The following STXBP5L variants were observed in gnomAD, a reference collection of about 807,000 sequenced individuals.
STXBP5L encodes syntaxin binding protein 5L, also known as syntaxin-binding protein 5-like.
In STXBP5L, 65 loss-of-function variants were observed where a neutral mutation model predicts 144.5. That is an observed-to-expected ratio of 0.45 (90% CI 0.37 to 0.55). STXBP5L has a LOEUF of 0.55. Among genes scored for constraint, STXBP5L ranks in the 20% least tolerant of loss-of-function variants. The pLI is 0.00. For synonymous variants in STXBP5L, 505 were observed against 469.6 expected (o/e 1.08, Z -0.97); for missense variants, 1,298 against 1,405.5 (o/e 0.92, Z 1.22).
rs75685963 is a variant in STXBP5L at position 120,996,370 on chromosome 3, A to G, written c.287+41333A>G. On this transcript the variant is annotated intron_variant, in intron 3 of 26. Transcript: ENST00000471454. ...TTAATATAATGTATATTTAAGGTAT[A>G]CAATGTCATATATATTTTTTGAACT... 2.8e-3 allele frequency among the ~76,000 whole-genome samples: 422 copies of G among 152,164 alleles called. 5 individuals carry two copies. Among genetic ancestry groups the G allele is most frequent in the African/African-American group, 9.7e-3 (405 of 41,562 alleles).
chr3:121,325,495 T>C (rs1577462855), intron 20 of STXBP5L, among the ~76,000 whole-genome samples: 2 of 151,916 alleles, frequency 1.3e-5, no homozygotes, highest in South Asian at 4.1e-4. Flanking sequence ...CAAAAAATAA[T>C]CACAATTAAA....
intron 22 of STXBP5L, 65 bp from the exon 23 acceptor site, chr3:121,407,177 CT>C (rs1198760736): frequency 6.6e-7 from 1 of 1,505,582 alleles, no homozygotes; most frequent in Non-Finnish European, 8.9e-7. Context: ...CAATGTAAAA[CT>C]TTAATTCCCT....
intron 23 of STXBP5L, 55 bp from the exon 24 acceptor site, chr3:121,413,103 A>C: frequency 7.7e-7 from 1 of 1,291,040 alleles, no homozygotes; most frequent in East Asian, 2.7e-5. Context: ...TTTTATGTAA[A>C]TATCTGCTTC....
intron 7 of STXBP5L, among the ~76,000 whole-genome samples, chr3:121,135,337 A>C (rs2090565): frequency 2.6e-5 from 4 of 152,056 alleles, no homozygotes; most frequent in Admixed American, 2.6e-4. Flanking sequence ...GATTGCAAAA[A>C]TTTTCTCCCA....
chr3:121,393,728 G>C (rs2046654873), intron 22 of STXBP5L, among the ~76,000 whole-genome samples: 2 of 152,158 alleles, frequency 1.3e-5, no homozygotes, highest in South Asian at 4.1e-4. Flanking sequence ...CTTTCTCAAA[G>C]ATCAGTTAGT....
intron 3 of STXBP5L, among the ~76,000 whole-genome samples, chr3:120,999,499 A>G (rs1943603945): frequency 6.6e-6 from 1 of 152,222 alleles, no homozygotes. Context: ...AAGACAGCGT[A>G]CAGTTGGGTG....
chr3:121,211,578 C>CTTTTTTTTTTTTTT (rs1188424283), intron 10 of STXBP5L, among the ~76,000 whole-genome samples: 9 of 110,250 alleles, frequency 8.2e-5, no homozygotes, highest in African/African-American at 1.1e-4. Flanking sequence ...TTTTTTCTTT[C>CTTTTTTTTTTTTTT]TTTTTTTTTT....
At chr3:121,071,892 A>T (rs1250539702) in intron 5 of STXBP5L, among the ~76,000 whole-genome samples, 1 of 152,188 alleles carries the variant, frequency 6.6e-6, no homozygotes, top group African/African-American at 2.4e-5. Context: ...CAGTTACTTT[A>T]GTAGGGGTTT....
At chr3:121,197,993 T>G (rs2047987947) in intron 9 of STXBP5L, among the ~76,000 whole-genome samples, 1 of 152,212 alleles carries the variant, frequency 6.6e-6, no homozygotes, top group Admixed American at 6.5e-5. Flanking sequence ...TTATTTATAA[T>G]CCTTTGGATA....
intron 5 of STXBP5L, among the ~76,000 whole-genome samples, chr3:121,086,696 C>A (rs1327628215): frequency 1.3e-5 from 2 of 151,986 alleles, no homozygotes; most frequent in Non-Finnish European, 2.9e-5. Context: ...AATTCAAAAT[C>A]CTAAATGTTC....
intron 22 of STXBP5L, among the ~76,000 whole-genome samples, chr3:121,404,997 C>T (rs1255174703): frequency 6.6e-6 from 1 of 152,056 alleles, no homozygotes; most frequent in African/African-American, 2.4e-5. Context: ...AGATGGCTGC[C>T]TTCTTGCTGT....
At chr3:121,390,297 G>T (rs2046546659) in intron 22 of STXBP5L, among the ~76,000 whole-genome samples, 1 of 152,044 alleles carries the variant, frequency 6.6e-6, no homozygotes, top group South Asian at 2.1e-4. Flanking sequence ...ATGTGAGATG[G>T]GTCTCCTGAA....
chr3:121,067,008 G>A (rs1245818428), intron 5 of STXBP5L, among the ~76,000 whole-genome samples: 3 of 151,918 alleles, frequency 2.0e-5, no homozygotes, highest in Non-Finnish European at 4.4e-5. Flanking sequence ...TAATGGTAGG[G>A]CCTGTAGTAG....
chr3:121,290,778 T>A (rs1201711978), intron 19 of STXBP5L, among the ~76,000 whole-genome samples: 2 of 151,724 alleles, frequency 1.3e-5, no homozygotes, highest in Non-Finnish European at 3.0e-5. Flanking sequence ...ATGTGATACA[T>A]CACGAAACAA....
At chr3:121,365,382 G>C (rs1444303165) in intron 20 of STXBP5L, among the ~76,000 whole-genome samples, 2 of 148,928 alleles carry the variant, frequency 1.3e-5, no homozygotes, top group Non-Finnish European at 3.0e-5. Flanking sequence ...GAAGCCAACA[G>C]GTTCAGGGCT....
intron 4 of STXBP5L, among the ~76,000 whole-genome samples, chr3:121,043,136 C>T (rs1947275123): frequency 6.6e-6 from 1 of 152,044 alleles, no homozygotes; most frequent in South Asian, 2.1e-4. Flanking sequence ...TTGTTCACCT[C>T]ATTTATCCTG....
intron 20 of STXBP5L, among the ~76,000 whole-genome samples, chr3:121,368,272 G>C (rs1001098087): frequency 6.6e-6 from 1 of 151,998 alleles, no homozygotes; most frequent in African/African-American, 2.4e-5. Flanking sequence ...TTCTTCTAGT[G>C]AATGTTTCAT....
At chr3:121,007,130 TA>T (rs1944387292) in intron 3 of STXBP5L, among the ~76,000 whole-genome samples, 1 of 152,168 alleles carries the variant, frequency 6.6e-6, no homozygotes, top group South Asian at 2.1e-4. Flanking sequence ...TCCAGCTTTT[TA>T]AAAGTTATTG....
At chr3:121,382,189 C>T (rs2046338249) in intron 22 of STXBP5L, among the ~76,000 whole-genome samples, 1 of 151,744 alleles carries the variant, frequency 6.6e-6, no homozygotes. Flanking sequence ...TCCCTGTTTC[C>T]TATATAAGAA....
Sources: gnomAD v4.1 joint callset for allele counts (sites outside exome capture counted in the v4.1 genomes callset) on GRCh38, gnomAD v4.1.1 for gene constraint, MANE v1.5 for transcripts, NCBI Gene and HGNC (gene_info 2026-07-23, HGNC 2026-07-21) for gene names.